PMFBP1: variants seen among roughly 807,000 people sequenced by gnomAD.
PMFBP1 encodes polyamine-modulated factor 1-binding protein 1.
Under a neutral mutation model 137.8 loss-of-function variants are expected in PMFBP1, and 131 were observed. The observed-to-expected ratio is 0.95, with a 90% CI of 0.82 to 1.10. The LOEUF (loss-of-function observed/expected upper bound fraction) is 1.10, where lower values mean the gene tolerates loss of function less well. Among genes scored for constraint, PMFBP1 ranks in the 50% least tolerant of loss-of-function variants. The pLI, the probability that PMFBP1 is intolerant of heterozygous loss-of-function variation, is 0.00. For missense variants in PMFBP1, 1,199 were observed against 1,175.4 expected, an observed-to-expected ratio of 1.02 and a Z score of -0.29; for synonymous variants, 490 against 450.4, an observed-to-expected ratio of 1.09 and a Z score of -1.11.
intron 2 of PMFBP1, among the ~76,000 whole-genome samples, chr16:72,167,044 T>G (rs2043154688): frequency 6.6e-6 from 1 of 152,196 alleles, no homozygotes; most frequent in East Asian, 1.9e-4. Context: ...AACTGACTGG[T>G]CTGTCTTTTG....
At chr16:72,157,794 T>C (rs961955289) in intron 3 of PMFBP1, among the ~76,000 whole-genome samples, 1 of 152,022 alleles carries the variant, frequency 6.6e-6, no homozygotes, top group Non-Finnish European at 1.5e-5. Context: ...ACTGCAATAA[T>C]CCAGACAAAG....
chr16:72,217,850 A>T, the PMFBP1 span, among the ~76,000 whole-genome samples: 1 of 152,182 alleles, frequency 6.6e-6, no homozygotes, highest in Non-Finnish European at 1.5e-5. Context: ...AAAACAAAAC[A>T]AAACAAAACG....
At chr16:72,218,959 C>T in the PMFBP1 span, among the ~76,000 whole-genome samples, 1 of 151,926 alleles carries the variant, frequency 6.6e-6, no homozygotes, top group African/African-American at 2.4e-5. Context: ...GGTATGAAAG[C>T]CCCTCATCAT....
the PMFBP1 span, among the ~76,000 whole-genome samples, chr16:72,244,406 C>T: frequency 6.6e-6 from 1 of 152,152 alleles, no homozygotes; most frequent in Non-Finnish European, 1.5e-5. Context: ...AATATAGATG[C>T]AAATATTGCC....
At chr16:72,210,584 CTTTA>C in the PMFBP1 span, among the ~76,000 whole-genome samples, 5,397 of 152,216 alleles carry the variant, frequency 0.035, 304 homozygotes, top group African/African-American at 0.12. Flanking sequence ...CCCCCTCCTG[CTTTA>C]ATTACTCCTG....
intron 5 of PMFBP1, among the ~76,000 whole-genome samples, chr16:72,145,036 A>G (rs992186359): frequency 2.0e-5 from 3 of 152,342 alleles, no homozygotes; most frequent in East Asian, 3.9e-4. Flanking sequence ...CGGACCTAAT[A>G]GACATCTACA....
At chr16:72,228,642 A>C in the PMFBP1 span, among the ~76,000 whole-genome samples, 1 of 152,206 alleles carries the variant, frequency 6.6e-6, no homozygotes. Flanking sequence ...AATGCTCACC[A>C]AAACTATTTG....
chr16:72,200,317 A>G, the PMFBP1 span, among the ~76,000 whole-genome samples: 3 of 152,244 alleles, frequency 2.0e-5, no homozygotes, highest in South Asian at 6.2e-4. Flanking sequence ...AACAGATTAT[A>G]TTTTCTAATC....
Position 72,126,090 on chromosome 16 carries a change from G to C in PMFBP1, c.2131C>G (p.Leu711Val). Residue 711 changes from leucine to valine, a missense_variant, in exon 15 of 21, where the codon CTG becomes GTG. By Grantham distance (32) the Leu-to-Val change is conservative. Coordinates refer to ENST00000237353, the MANE Select transcript of PMFBP1 (RefSeq NM_031293.3). ...KESLMSLQAQLDKALQKEKHY... is the reference protein window; with the variant it reads ...KESLMSLQAQVDKALQKEKHY... ...TTCTCCTTCTGCAGAGCTTTGTCCA[G>C]CTGGGCCTGCAGGCTCATTAAGGAC... 6.2e-7 allele frequency: 1 copy of C among 1,614,168 alleles called. No homozygotes were observed. The highest frequency in any genetic ancestry group is 8.5e-7 in the Non-Finnish European group (1 of 1,180,012).
chr16:72,139,084 G>A (rs1399341537), intron 7 of PMFBP1, among the ~76,000 whole-genome samples: 1 of 152,180 alleles, frequency 6.6e-6, no homozygotes, highest in Non-Finnish European at 1.5e-5. Context: ...TAAGAGACAG[G>A]TGCAGTTCCA....
the PMFBP1 span, among the ~76,000 whole-genome samples, chr16:72,228,978 G>T: frequency 1.3e-5 from 2 of 151,650 alleles, no homozygotes; most frequent in Non-Finnish European, 2.9e-5. Flanking sequence ...GTACCCCATT[G>T]GTAGAGAATG....
At chr16:72,118,765 G>GC (rs1555541155), downstream of PMFBP1, among the ~76,000 whole-genome samples, 31 of 71,872 alleles carry the variant, frequency 4.3e-4, no homozygotes, top group East Asian at 6.1e-3. Flanking sequence ...GTGGTGGGCG[G>GC]GGGGGCAGGT....
rs2042950993 is a variant in PMFBP1 at position 72,154,357 on chromosome 16, A to T, written c.268T>A (p.Leu90Met). ...TCCAGTTCTTGTTGAAGGACCAGCAATTTTTTCTTCAGTTGCTGGAGTTGT... is the reference window on the plus strand; with the variant it reads ...TCCAGTTCTTGTTGAAGGACCAGCATTTTTTTCTTCAGTTGCTGGAGTTGT... Reference protein sequence around the residue: ...LRQLQQLKKKLLVLQQELEFH... With the variant: ...LRQLQQLKKKMLVLQQELEFH... The change falls in exon 4 of 21, where the codon TTG becomes ATG. Residue 90 changes from leucine to methionine, a missense_variant. Coordinates refer to ENST00000237353, the MANE Select transcript of PMFBP1 (RefSeq NM_031293.3). 2 of 1,614,090 alleles carry T rather than the reference A, an allele frequency of 1.2e-6. No homozygotes were observed. Among genetic ancestry groups the T allele is most frequent in the Non-Finnish European group, 1.7e-6 (2 of 1,180,020 alleles).
the PMFBP1 span, among the ~76,000 whole-genome samples, chr16:72,221,013 T>C: frequency 1.3e-5 from 2 of 152,070 alleles, no homozygotes; most frequent in African/African-American, 4.8e-5. Context: ...CTTCTCAGCC[T>C]AAGCGAACCT....
the PMFBP1 span, among the ~76,000 whole-genome samples, chr16:72,236,460 T>C: frequency 6.6e-6 from 1 of 152,160 alleles, no homozygotes; most frequent in East Asian, 1.9e-4. Context: ...GTAACTATTT[T>C]TAATTTCCAA....
chr16:72,151,245 G>C (rs1176456650), intron 4 of PMFBP1, among the ~76,000 whole-genome samples: 5 of 152,188 alleles, frequency 3.3e-5, no homozygotes, highest in African/African-American at 1.2e-4. Flanking sequence ...ACAGGACTAT[G>C]TCAGGAAAGT....
In PMFBP1 at chr16:72,119,697, T is replaced by G. The variant is rs2042347427; in HGVS notation, c.3007+154A>C. On this transcript the variant is annotated intron_variant, in intron 20 of 20. Transcript: ENST00000237353. ...AGGGGTCTTAATTTGCCTCCTCCCTTTACAGATGTGAAAACAACGATCTTT... is the reference window on the plus strand; with the variant it reads ...AGGGGTCTTAATTTGCCTCCTCCCTGTACAGATGTGAAAACAACGATCTTT... 31 of 1,471,092 alleles carry G rather than the reference T, an allele frequency of 2.1e-5. 1 individual carries two copies. In the South Asian group the frequency reaches 4.3e-4, roughly 20 times the overall value. 91.1% of individuals were successfully genotyped at this position (1,471,092 alleles called of 1,614,324 possible).
chr16:72,127,234 T>G (rs1009764559), intron 14 of PMFBP1, among the ~76,000 whole-genome samples: 5 of 152,224 alleles, frequency 3.3e-5, no homozygotes, highest in African/African-American at 1.2e-4. Context: ...AGATACAATT[T>G]TGAGTACCTC....
At chr16:72,147,326 G>C (rs2042824040) in intron 5 of PMFBP1, among the ~76,000 whole-genome samples, 1 of 152,202 alleles carries the variant, frequency 6.6e-6, no homozygotes, top group Non-Finnish European at 1.5e-5. Context: ...GCCATATGCA[G>C]AAAGCTGAAA....
Sources: gnomAD v4.1 joint callset for allele counts (sites outside exome capture counted in the v4.1 genomes callset) on GRCh38, gnomAD v4.1.1 for gene constraint, MANE v1.5 for transcripts, NCBI Gene and HGNC (gene_info 2026-07-23, HGNC 2026-07-21) for gene names.